Variants in ATRNL1 observed in about 807,000 individuals in gnomAD.
ATRNL1 encodes attractin like 1.
Under a neutral mutation model 182.7 loss-of-function variants are expected in ATRNL1, and 95 were observed. The ratio of observed to expected loss-of-function variants is 0.52; its 90% CI spans 0.44 to 0.62. The LOEUF is 0.62. ATRNL1 is among the 20% of genes least tolerant of loss of function. ATRNL1 has a pLI of 0.00. For synonymous variants in ATRNL1, 576 were observed against 568.3 expected (o/e 1.01, Z -0.19); for missense variants, 1,471 against 1,679.5 (o/e 0.88, Z 2.17).
At chr10:115,664,898 A>G (rs1290624637) in intron 26 of ATRNL1, among the ~76,000 whole-genome samples, 1 of 152,096 alleles carries the variant, frequency 6.6e-6, no homozygotes, top group East Asian at 1.9e-4. Context: ...AAGCTATTCC[A>G]CTTCTTAACT....
intron 20 of ATRNL1, among the ~76,000 whole-genome samples, chr10:115,420,012 T>G (rs1845578907): frequency 6.6e-6 from 1 of 151,260 alleles, no homozygotes. Context: ...ATAGATTATA[T>G]GTAAGGGCAC....
chr10:115,790,439 CA>C (rs1293988116), intron 27 of ATRNL1, among the ~76,000 whole-genome samples: 1 of 152,040 alleles, frequency 6.6e-6, no homozygotes, highest in African/African-American at 2.4e-5. Context: ...TCCAAATCCC[CA>C]AGGCCTCTAC....
chr10:115,205,041 C>G (rs1848743688), intron 8 of ATRNL1, among the ~76,000 whole-genome samples: 2 of 152,048 alleles, frequency 1.3e-5, no homozygotes, highest in Non-Finnish European at 2.9e-5. Flanking sequence ...TTTATGCCAA[C>G]TCTACCCCTC....
At chr10:115,179,772 T>A (rs1269917851) in intron 8 of ATRNL1, among the ~76,000 whole-genome samples, 6 of 152,150 alleles carry the variant, frequency 3.9e-5, no homozygotes, top group Admixed American at 2.6e-4. Flanking sequence ...CAGAATAGCA[T>A]GGAATTAGGT....
chr10:115,819,722 G>A (rs782530802), intron 27 of ATRNL1: 2 of 152,100 alleles, frequency 1.3e-5, no homozygotes, highest in African/African-American at 4.8e-5. Context: ...AGTAAATTCA[G>A]TATAGATGCA....
intron 27 of ATRNL1, among the ~76,000 whole-genome samples, chr10:115,835,212 T>C (rs782620805): frequency 1.8e-4 from 28 of 152,134 alleles, no homozygotes; most frequent in Non-Finnish European, 2.6e-4. Flanking sequence ...TAATTACTCA[T>C]CTTCCACTGT....
chr10:115,325,810 A>G (rs1854843086), intron 18 of ATRNL1, among the ~76,000 whole-genome samples: 1 of 151,760 alleles, frequency 6.6e-6, no homozygotes, highest in African/African-American at 2.4e-5. Context: ...TTGCTGGTAC[A>G]TTTACTTATT....
intron 26 of ATRNL1, among the ~76,000 whole-genome samples, chr10:115,591,598 A>G (rs1183911843): frequency 2.0e-5 from 3 of 152,180 alleles, no homozygotes; most frequent in African/African-American, 7.2e-5. Flanking sequence ...TTGTTCAGGA[A>G]GCTCTGACCA....
intron 20 of ATRNL1, among the ~76,000 whole-genome samples, chr10:115,417,996 G>A (rs1221621792): frequency 1.3e-5 from 2 of 152,196 alleles, no homozygotes; most frequent in African/African-American, 4.8e-5. Context: ...TGATCTCTCA[G>A]TGCACACACA....
intron 5 of ATRNL1, among the ~76,000 whole-genome samples, chr10:115,137,945 T>C (rs1554877112): frequency 6.6e-6 from 1 of 152,188 alleles, no homozygotes; most frequent in Non-Finnish European, 1.5e-5. Flanking sequence ...GCAAGTTAGT[T>C]ACTTCCTAGA....
At chr10:115,918,956 A>G (rs569551256) in intron 28 of ATRNL1, among the ~76,000 whole-genome samples, 184 of 152,348 alleles carry the variant, frequency 1.2e-3, no homozygotes, top group Non-Finnish European at 2.4e-3. Flanking sequence ...TAGCAAACCT[A>G]AGAACTTGAC....
rs1257068037 is a variant in ATRNL1, at chr10:115,668,131, A to G, written c.3796-59117A>G. Among the ~76,000 whole-genome samples, 7 of 151,984 alleles carry G rather than the reference A, an allele frequency of 4.6e-5. No individual in the cohort carries two copies. The South Asian group carries it at 1.2e-3, about 27-fold the overall frequency. The stretch of plus-strand genomic sequence containing the variant: ...AGATTCTGTCTAGGGACCTTTCTCC[A>G]TGACTTTCTTGCTTTTGATTTCTTG... On this transcript the variant is annotated intron_variant, in intron 26 of 28. Transcript: ENST00000355044.
At chr10:115,618,868 G>A (rs1384261123) in intron 26 of ATRNL1, among the ~76,000 whole-genome samples, 1 of 152,130 alleles carries the variant, frequency 6.6e-6, no homozygotes, top group Non-Finnish European at 1.5e-5. Context: ...TTCCTTGGGT[G>A]ATGCAATGTT....
At chr10:115,882,792 T>A (rs1951856108) in intron 28 of ATRNL1, among the ~76,000 whole-genome samples, 1 of 152,172 alleles carries the variant, frequency 6.6e-6, no homozygotes, top group African/African-American at 2.4e-5. Flanking sequence ...CTTTGTATGG[T>A]GAATAGTTTT....
intron 20 of ATRNL1, among the ~76,000 whole-genome samples, chr10:115,415,704 T>C (rs1592623530): frequency 6.6e-6 from 1 of 152,026 alleles, no homozygotes; most frequent in East Asian, 1.9e-4. Context: ...ATTTTTTACG[T>C]TTAGATTTAT....
intron 26 of ATRNL1, among the ~76,000 whole-genome samples, chr10:115,720,861 G>A (rs1337841622): frequency 1.3e-5 from 2 of 152,134 alleles, no homozygotes. Flanking sequence ...AGTTTTGCTG[G>A]CTTTTAGAAT....
chr10:115,766,747 A>T (rs1322336762), intron 27 of ATRNL1, among the ~76,000 whole-genome samples: 2 of 152,202 alleles, frequency 1.3e-5, no homozygotes, highest in African/African-American at 2.4e-5. Flanking sequence ...CTTCGTTAAA[A>T]TATCTGTTTT....
At chr10:115,891,769 T>C (rs548801447) in intron 28 of ATRNL1, among the ~76,000 whole-genome samples, 113 of 152,318 alleles carry the variant, frequency 7.4e-4, no homozygotes, top group African/African-American at 2.6e-3. Context: ...GGTTAGATTA[T>C]CTGGCTGAGG....
At chr10:115,718,313 G>A (rs1440158037) in intron 26 of ATRNL1, among the ~76,000 whole-genome samples, 1 of 151,290 alleles carries the variant, frequency 6.6e-6, no homozygotes, top group Non-Finnish European at 1.5e-5. Context: ...GTTTCCCATA[G>A]CAATTTTTTT....
Sources: allele counts gnomAD v4.1 joint callset (sites outside exome capture counted in the v4.1 genomes callset), GRCh38; gene constraint gnomAD v4.1.1; transcripts MANE v1.5; gene names NCBI Gene and HGNC (gene_info 2026-07-23, HGNC 2026-07-21).